Variants in PARM1 observed in about 807,000 individuals in gnomAD.
The protein encoded by PARM1 is prostate androgen-regulated mucin-like protein 1.
In PARM1, 14 loss-of-function variants were observed where a neutral mutation model predicts 24.6. That is an observed-to-expected ratio of 0.57 (90% CI 0.38 to 0.89). The LOEUF (loss-of-function observed/expected upper bound fraction) is 0.89. PARM1 is among the 40% of genes least tolerant of loss of function. The pLI, the probability that PARM1 is intolerant of heterozygous loss-of-function variation, is 0.00. For synonymous variants in PARM1, 179 were observed against 156.6 expected (o/e 1.14, Z -1.07); for missense variants, 362 against 380.4 (o/e 0.95, Z 0.40).
chr4:75,044,466 G>A (rs968564436), intron 3 of PARM1, among the ~76,000 whole-genome samples: 3 of 152,138 alleles, frequency 2.0e-5, no homozygotes, highest in East Asian at 1.9e-4. Flanking sequence ...TCATAAACAC[G>A]TATTGAGGAC....
At position 74,961,824 on chromosome 4, in the gene PARM1, C is replaced by G. The variant is rs150632636; in HGVS notation, c.43+28454C>G. Among the ~76,000 whole-genome samples, 27 of 152,080 alleles carry G rather than the reference C, an allele frequency of 1.8e-4. No homozygotes were observed. In the East Asian group the frequency reaches 3.7e-3, roughly 21 times the overall value. ...GCCCTAAAGAAATGCTAAAAGAAGTCCTTTTGGTTGAAATGAAAGAACACT... is the reference window on the plus strand; with the variant it reads ...GCCCTAAAGAAATGCTAAAAGAAGTGCTTTTGGTTGAAATGAAAGAACACT... On this transcript the variant is annotated intron_variant, in intron 1 of 3. Transcript: ENST00000307428.
intron 1 of PARM1, among the ~76,000 whole-genome samples, chr4:74,943,219 A>G (rs1366103218): frequency 6.6e-6 from 1 of 152,102 alleles, no homozygotes; most frequent in South Asian, 2.1e-4. Flanking sequence ...TTTAAAGCAT[A>G]TCTTCCTCCA....
At position 74,989,444 on chromosome 4, in the gene PARM1, G is replaced by A. The variant is rs1363612851; in HGVS notation, c.44-22981G>A. 2.0e-5 allele frequency among the ~76,000 whole-genome samples: 3 copies of A among 152,120 alleles called. No individual in the cohort carries two copies. In the East Asian group the frequency reaches 5.8e-4, roughly 29 times the overall value. On this transcript the variant is annotated intron_variant, in intron 1 of 3. Coordinates refer to ENST00000307428, the MANE Select transcript of PARM1 (RefSeq NM_015393.4). ...CAAGGATATTACAAAGGATACAGAT[G>A]AACAGCCAAATAAAGAGACGAATAG...
intron 2 of PARM1, among the ~76,000 whole-genome samples, chr4:75,018,652 A>T (rs1055971259): frequency 1.3e-5 from 2 of 152,222 alleles, no homozygotes; most frequent in Non-Finnish European, 2.9e-5. Flanking sequence ...CATGAGGTTC[A>T]TGGTCGTATG....
At chr4:75,006,126 T>C (rs989428064) in intron 1 of PARM1, among the ~76,000 whole-genome samples, 1 of 152,220 alleles carries the variant, frequency 6.6e-6, no homozygotes, top group Non-Finnish European at 1.5e-5. Flanking sequence ...TGGGAAGGTG[T>C]ATGGAGGCAT....
intron 1 of PARM1, among the ~76,000 whole-genome samples, chr4:74,942,499 A>G (rs1336075793): frequency 2.0e-5 from 3 of 152,242 alleles, no homozygotes; most frequent in African/African-American, 7.2e-5. Flanking sequence ...TTCTTCCCCT[A>G]GGGGGCTTAT....
chr4:75,006,605 A>G (rs188337122), intron 1 of PARM1, among the ~76,000 whole-genome samples: 2,035 of 152,224 alleles, frequency 0.013, 59 homozygotes, highest in African/African-American at 0.047. Context: ...ATAAATATAC[A>G]TGTGCATGTG....
At chr4:74,953,635 G>C (rs1333695013) in intron 1 of PARM1, among the ~76,000 whole-genome samples, 1 of 152,214 alleles carries the variant, frequency 6.6e-6, no homozygotes, top group Admixed American at 6.5e-5. Context: ...TATATAAGGG[G>C]TGAGCAGGTC....
chr4:74,955,660 G>T (rs955265086), intron 1 of PARM1, among the ~76,000 whole-genome samples: 1 of 152,086 alleles, frequency 6.6e-6, no homozygotes, highest in African/African-American at 2.4e-5. Flanking sequence ...GTTTTTTGTG[G>T]CCGTAGCTTC....
chr4:75,003,255 T>TCCC (rs1722713908), intron 1 of PARM1, among the ~76,000 whole-genome samples: 1 of 151,096 alleles, frequency 6.6e-6, no homozygotes, highest in Non-Finnish European at 1.5e-5. Flanking sequence ...GTGTGACCAC[T>TCCC]ATAGTCCCTC....
At chr4:74,978,570 A>G (rs777005515) in intron 1 of PARM1, among the ~76,000 whole-genome samples, 1 of 152,150 alleles carries the variant, frequency 6.6e-6, no homozygotes, top group Non-Finnish European at 1.5e-5. Flanking sequence ...AAAATTAACA[A>G]AGATATTCAG....
chr4:75,015,617 T>C (rs1722970468), intron 2 of PARM1, among the ~76,000 whole-genome samples: 1 of 152,242 alleles, frequency 6.6e-6, no homozygotes, highest in Non-Finnish European at 1.5e-5. Context: ...GACAAGTAAC[T>C]CTTAATATCA....
chr4:74,996,193 C>A (rs969759187), intron 1 of PARM1, among the ~76,000 whole-genome samples: 8 of 152,100 alleles, frequency 5.3e-5, no homozygotes, highest in African/African-American at 1.7e-4. Context: ...CTTGTACAGG[C>A]CCCTGTGTTG....
At chr4:74,975,878 A>G (rs1005795) in intron 1 of PARM1, among the ~76,000 whole-genome samples, 47,763 of 152,080 alleles carry the variant, frequency 0.31, 9,641 homozygotes, top group African/African-American at 0.57. Flanking sequence ...AGTAAATCCT[A>G]CACCTTCAGC....
At chr4:74,992,004 A>G (rs1175049475) in intron 1 of PARM1, among the ~76,000 whole-genome samples, 1 of 152,160 alleles carries the variant, frequency 6.6e-6, no homozygotes, top group Non-Finnish European at 1.5e-5. Context: ...ATCCAGGAAA[A>G]CACTTGCATT....
At chr4:74,944,720 T>C (rs1469173038) in intron 1 of PARM1, among the ~76,000 whole-genome samples, 2 of 152,104 alleles carry the variant, frequency 1.3e-5, no homozygotes, top group African/African-American at 2.4e-5. Context: ...TCACTGAGAA[T>C]AGAGTTTCAG....
chr4:74,957,776 T>C (rs1721671391), intron 1 of PARM1, among the ~76,000 whole-genome samples: 1 of 152,166 alleles, frequency 6.6e-6, no homozygotes, highest in Non-Finnish European at 1.5e-5. Flanking sequence ...TTCTTAACTG[T>C]GCACCAAGAC....
At chr4:74,990,178 G>A (rs1385526506) in intron 1 of PARM1, among the ~76,000 whole-genome samples, 1 of 152,148 alleles carries the variant, frequency 6.6e-6, no homozygotes, top group Non-Finnish European at 1.5e-5. Flanking sequence ...CACAGGGGAA[G>A]GATCAGATTG....
intron 1 of PARM1, among the ~76,000 whole-genome samples, chr4:74,940,286 G>A (rs1254565311): frequency 6.6e-6 from 1 of 152,126 alleles, no homozygotes; most frequent in South Asian, 2.1e-4. Context: ...TTATGACATG[G>A]TTTTAGTTTT....
Sources: allele counts gnomAD v4.1 joint callset (sites outside exome capture counted in the v4.1 genomes callset), GRCh38; gene constraint gnomAD v4.1.1; transcripts MANE v1.5; gene names NCBI Gene and HGNC (gene_info 2026-07-23, HGNC 2026-07-21).